NCALD: variants seen among roughly 807,000 people sequenced by gnomAD.
NCALD encodes the protein neurocalcin delta.
NCALD carries 10 observed loss-of-function variants against 18.6 expected under a neutral mutation model. That is an observed-to-expected ratio of 0.54 (90% CI 0.33 to 0.91). NCALD has a LOEUF of 0.91. Ranked by LOEUF, NCALD falls within the 40% of genes least tolerant of loss-of-function variation. The pLI, the probability that NCALD is intolerant of heterozygous loss-of-function variation, is 0.03. For synonymous variants in NCALD, 88 were observed against 87.4 expected (o/e 1.01, Z -0.04); for missense variants, 184 against 247.6 (o/e 0.74, Z 1.72).
At chr8:101,716,417 A>G (rs1797049423) in intron 2 of NCALD, among the ~76,000 whole-genome samples, 1 of 152,184 alleles carries the variant, frequency 6.6e-6, no homozygotes, top group African/African-American at 2.4e-5. Context: ...ATGTATACCT[A>G]TGTAACAAAC....
At chr8:102,014,435 T>C (rs987529188) in intron 2 of NCALD, among the ~76,000 whole-genome samples, 3 of 152,098 alleles carry the variant, frequency 2.0e-5, no homozygotes, top group Non-Finnish European at 2.9e-5. Context: ...GGGGGTTGGG[T>C]TTCAACATAT....
intron 3 of NCALD, among the ~76,000 whole-genome samples, chr8:101,914,589 C>A (rs1817914695): frequency 6.6e-6 from 1 of 152,160 alleles, no homozygotes; most frequent in African/African-American, 2.4e-5. Flanking sequence ...ACATTCTCTT[C>A]ATTTATTTAT....
chr8:101,824,859 T>C (rs529386862), intron 4 of NCALD, among the ~76,000 whole-genome samples: 5 of 152,322 alleles, frequency 3.3e-5, no homozygotes, highest in South Asian at 2.1e-4. Context: ...GAGGCCATCA[T>C]TCATTCTGTA....
At chr8:101,720,902 C>T (rs993056091) in intron 1 of NCALD, among the ~76,000 whole-genome samples, 4 of 152,138 alleles carry the variant, frequency 2.6e-5, no homozygotes, top group Non-Finnish European at 5.9e-5. Context: ...TCCCTAAGGG[C>T]ACCTAGCTGT....
At chr8:101,857,388 A>G (rs931727853) in intron 4 of NCALD, among the ~76,000 whole-genome samples, 6 of 152,194 alleles carry the variant, frequency 3.9e-5, no homozygotes, top group Admixed American at 2.6e-4. Context: ...AAAGGCACAG[A>G]TGTGCATATC....
Position 102,119,954 on chromosome 8 carries a change from A to G in NCALD, c.-210+4283T>C, listed in dbSNP as rs559465529. ...TTCTCATGTCTTCTAGCCAGTCAGA[A>G]CTTAAAATTTCTTGAAGTTATATAG... On this transcript the variant is annotated intron_variant, in intron 1 of 6. Transcript: ENST00000311028. Among the ~76,000 whole-genome samples, 213 of 152,326 alleles carry G rather than the reference A, an allele frequency of 1.4e-3. 2 individuals carry two copies. The highest frequency in any genetic ancestry group is 5.0e-3 in the African/African-American group (206 of 41,570).
At chr8:101,987,409 GT>G (rs1490241261) in intron 2 of NCALD, among the ~76,000 whole-genome samples, 3 of 152,170 alleles carry the variant, frequency 2.0e-5, no homozygotes, top group African/African-American at 7.2e-5. Flanking sequence ...GTCCATGTAT[GT>G]AATATCCAAC....
rs1812688010 is a variant in NCALD at position 101,797,627 on chromosome 8, C to T, written c.-19-77979G>A. Among the ~76,000 whole-genome samples, 5 of 152,190 alleles carry T rather than the reference C, an allele frequency of 3.3e-5. No individual in the cohort carries two copies. The South Asian group carries it at 1.0e-3, about 32-fold the overall frequency. ...GGTCAAGAGATTGAGACCATCCTGG[C>T]CAACATGGTGAAACACTGTCTTTAC... On this transcript the variant is annotated intron_variant, in intron 4 of 6. Transcript: ENST00000311028.
chr8:102,120,716 C>A (rs1207195709), intron 1 of NCALD, among the ~76,000 whole-genome samples: 1 of 152,148 alleles, frequency 6.6e-6, no homozygotes, highest in South Asian at 2.1e-4. Context: ...GTTCCTGACA[C>A]AACAGAATTG....
At position 102,027,930 on chromosome 8, in the gene NCALD, A is replaced by C. The variant is rs572439784; in HGVS notation, c.-209-7641T>G. Reference sequence around the variant, plus strand: ...AGAACTCACTCACTATCCAAAGACCAGCAGCATGGGGGTAATTGCCCCCAT... The same window carrying C: ...AGAACTCACTCACTATCCAAAGACCCGCAGCATGGGGGTAATTGCCCCCAT... On this transcript the variant is annotated intron_variant, in intron 1 of 6. Coordinates refer to the NCALD transcript ENST00000311028. Among the ~76,000 whole-genome samples, 5 of 152,204 alleles carry C rather than the reference A, an allele frequency of 3.3e-5. No individual in the cohort carries two copies. In the South Asian group the frequency reaches 8.3e-4, roughly 25 times the overall value.
intron 1 of NCALD, among the ~76,000 whole-genome samples, chr8:102,113,976 A>C (rs1825710013): frequency 1.3e-5 from 2 of 152,244 alleles, no homozygotes; most frequent in Admixed American, 1.3e-4. Context: ...AAGAGTAGCG[A>C]GTGTATCCCC....
chr8:101,691,561 A>C, intron 3 of NCALD: 1 of 985,442 alleles, frequency 1.0e-6, no homozygotes, highest in Non-Finnish European at 1.2e-6. Context: ...GAGTACCAGT[A>C]AAACCTGCAG....
intron 2 of NCALD, among the ~76,000 whole-genome samples, chr8:101,707,035 C>T (rs56306107): frequency 0.46 from 70,278 of 152,024 alleles, 18,746 homozygotes; most frequent in Non-Finnish European, 0.6. Flanking sequence ...ACATCTGTGG[C>T]CCATGCTCAT....
At chr8:101,875,731 G>A (rs562992018) in intron 4 of NCALD, among the ~76,000 whole-genome samples, 18 of 152,292 alleles carry the variant, frequency 1.2e-4, no homozygotes, top group East Asian at 5.8e-4. Flanking sequence ...ACCAAAAACC[G>A]AAACTGCATG....
At chr8:101,980,436 A>T (rs1820576726) in intron 2 of NCALD, among the ~76,000 whole-genome samples, 1 of 152,178 alleles carries the variant, frequency 6.6e-6, no homozygotes, top group African/African-American at 2.4e-5. Flanking sequence ...GCAGGTTTTT[A>T]AAAGGGCTAG....
chr8:101,702,397 G>A (rs1815310751), intron 2 of NCALD, among the ~76,000 whole-genome samples: 1 of 151,810 alleles, frequency 6.6e-6, no homozygotes, highest in African/African-American at 2.4e-5. Context: ...CACCACACTG[G>A]GTAATTTTTT....
At chr8:101,711,064 G>C (rs1217544588) in intron 2 of NCALD, among the ~76,000 whole-genome samples, 1 of 152,176 alleles carries the variant, frequency 6.6e-6, no homozygotes, top group African/African-American at 2.4e-5. Flanking sequence ...ACTTCCAGAG[G>C]AAGGAGCAGG....
intron 3 of NCALD, among the ~76,000 whole-genome samples, chr8:101,907,229 C>T (rs1008689906): frequency 6.6e-6 from 1 of 152,196 alleles, no homozygotes; most frequent in Non-Finnish European, 1.5e-5. Context: ...ACAACCTCAT[C>T]ATCATCGTCA....
intron 1 of NCALD, among the ~76,000 whole-genome samples, chr8:102,082,775 A>G (rs900890239): frequency 6.6e-6 from 1 of 152,192 alleles, no homozygotes; most frequent in African/African-American, 2.4e-5. Context: ...ACTTCAGAAG[A>G]TTTCCTGGCC....
Sources: allele counts gnomAD v4.1 joint callset (sites outside exome capture counted in the v4.1 genomes callset), GRCh38; gene constraint gnomAD v4.1.1; transcripts MANE v1.5; gene names NCBI Gene and HGNC (gene_info 2026-07-23, HGNC 2026-07-21).